The following CSMD1 variants were observed in gnomAD, a reference collection of about 807,000 sequenced individuals.
The protein encoded by CSMD1 is CUB and sushi domain-containing protein 1.
Under a neutral mutation model 417.5 loss-of-function variants are expected in CSMD1, and 213 were observed. That is an observed-to-expected ratio of 0.51 (90% CI 0.46 to 0.57). The LOEUF (loss-of-function observed/expected upper bound fraction) is 0.57. Among genes scored for constraint, CSMD1 ranks in the 20% least tolerant of loss-of-function variants. CSMD1 has a pLI of 0.00. For missense variants in CSMD1, 6,923 were observed against 4,529.7 expected (o/e 1.53, Z -15.17); for synonymous variants, 2,862 against 1,736.8 (o/e 1.65, Z -16.11).
chr8:3,413,065 C>A (rs1412860108), intron 12 of CSMD1, among the ~76,000 whole-genome samples: 2 of 152,158 alleles, frequency 1.3e-5, no homozygotes, highest in Non-Finnish European at 2.9e-5. Context: ...TCAGTTTTCA[C>A]ATTATGAGCT....
At chr8:4,872,732 G>A (rs4570182) in intron 1 of CSMD1, among the ~76,000 whole-genome samples, 1 of 151,834 alleles carries the variant, frequency 6.6e-6, no homozygotes, top group Non-Finnish European at 1.5e-5. Context: ...AGAGCCTGTG[G>A]ATTAAAAGAT....
At chr8:4,177,040 G>A (rs1798087021) in intron 3 of CSMD1, among the ~76,000 whole-genome samples, 1 of 152,044 alleles carries the variant, frequency 6.6e-6, no homozygotes, top group Non-Finnish European at 1.5e-5. Context: ...AAGTCAACAA[G>A]GATATCCAGG....
chr8:4,030,100 G>C (rs1468066170), intron 4 of CSMD1, among the ~76,000 whole-genome samples: 1 of 152,188 alleles, frequency 6.6e-6, no homozygotes, highest in Non-Finnish European at 1.5e-5. Context: ...TTCATGGGCT[G>C]CTGTTAACTG....
chr8:3,996,659 G>C (rs1815246578), intron 5 of CSMD1, among the ~76,000 whole-genome samples: 1 of 152,140 alleles, frequency 6.6e-6, no homozygotes, highest in Non-Finnish European at 1.5e-5. Flanking sequence ...ACATTAAGCA[G>C]ATTGGTCCTG....
At chr8:3,800,238 T>A (rs889080498) in intron 5 of CSMD1, among the ~76,000 whole-genome samples, 3 of 152,170 alleles carry the variant, frequency 2.0e-5, no homozygotes, top group Admixed American at 6.6e-5. Context: ...GATACAGTCA[T>A]CCTTTATTGG....
Position 4,446,308 on chromosome 8 carries a change from G to T in CSMD1, c.303-26243C>A, listed in dbSNP as rs75278335. Among the ~76,000 whole-genome samples the T allele has an allele frequency of 2.6e-5, 4 of 152,268 alleles. No individual in the cohort carries two copies. The South Asian group carries it at 8.3e-4, about 32-fold the overall frequency. On this transcript the variant is annotated intron_variant, in intron 2 of 69. Coordinates refer to ENST00000635120, the MANE Select transcript of CSMD1 (RefSeq NM_033225.6). ...CATGCCCGTAATCCTGCTTCTTTGG[G>T]AGCCCAGCATGGGTGGATCGCTTGA...
chr8:4,472,084 T>C (rs980925627), intron 2 of CSMD1, among the ~76,000 whole-genome samples: 1 of 152,212 alleles, frequency 6.6e-6, no homozygotes, highest in Non-Finnish European at 1.5e-5. Flanking sequence ...TTCGACACAG[T>C]CAGCAGAGAT....
intron 1 of CSMD1, among the ~76,000 whole-genome samples, chr8:4,876,165 C>A (rs1170170522): frequency 6.6e-6 from 1 of 152,006 alleles, no homozygotes; most frequent in African/African-American, 2.4e-5. Context: ...TAGTCTATTT[C>A]CCTGCTGGGT....
At chr8:4,295,825 C>A (rs1675218766) in intron 3 of CSMD1, among the ~76,000 whole-genome samples, 1 of 143,226 alleles carries the variant, frequency 7.0e-6, no homozygotes, top group Non-Finnish European at 1.5e-5. Flanking sequence ...AAAGTTAATT[C>A]TCCCTTATGC....
intron 5 of CSMD1, among the ~76,000 whole-genome samples, chr8:3,929,004 C>T (rs982142955): frequency 4.0e-5 from 6 of 150,346 alleles, no homozygotes; most frequent in African/African-American, 1.2e-4. Context: ...GAAATCTTAC[C>T]GATTTTTGGT....
At chr8:3,096,804 C>A in intron 47 of CSMD1, 45 bp downstream of exon 47, 1 of 1,200,924 alleles carries the variant, frequency 8.3e-7, no homozygotes, top group South Asian at 1.6e-5. Context: ...GTGTTTTTAT[C>A]AATGATGCCG....
intron 2 of CSMD1, among the ~76,000 whole-genome samples, chr8:4,437,126 TTC>T (rs1005101107): frequency 2.6e-4 from 39 of 152,174 alleles, no homozygotes; most frequent in African/African-American, 9.2e-4. Flanking sequence ...CCCAAAAGAA[TTC>T]TTTTAGGGGA....
intron 2 of CSMD1, among the ~76,000 whole-genome samples, chr8:4,585,646 C>T (rs924263905): frequency 2.0e-4 from 30 of 151,840 alleles, no homozygotes; most frequent in African/African-American, 6.8e-4. Context: ...AAAGAAGCAA[C>T]AATAAAAGTT....
At chr8:4,683,492 C>A (rs772741568) in intron 1 of CSMD1, among the ~76,000 whole-genome samples, 1 of 152,112 alleles carries the variant, frequency 6.6e-6, no homozygotes, top group African/African-American at 2.4e-5. Flanking sequence ...GAGTGGACAA[C>A]AGGGGAGGCT....
Position 4,157,968 on chromosome 8 carries a change from G to A in CSMD1, c.416-125869C>T, listed in dbSNP as rs577762951. On this transcript the variant is annotated intron_variant, in intron 3 of 69. Coordinates refer to ENST00000635120, the MANE Select transcript of CSMD1 (RefSeq NM_033225.6). ...AGAACATCTTTTAGCAACGTATGCCGAGATTGGCCAACTGTTGCTAGGACC... is the reference window on the plus strand; with the variant it reads ...AGAACATCTTTTAGCAACGTATGCCAAGATTGGCCAACTGTTGCTAGGACC... 5.3e-5 allele frequency among the ~76,000 whole-genome samples: 8 copies of A among 152,296 alleles called. No individual in the cohort carries two copies. In the South Asian group the frequency reaches 1.5e-3, roughly 28 times the overall value.
chr8:3,941,707 G>A (rs1178015356), intron 5 of CSMD1, among the ~76,000 whole-genome samples: 2 of 152,110 alleles, frequency 1.3e-5, no homozygotes, highest in East Asian at 1.9e-4. Flanking sequence ...TTTCCCAGAT[G>A]TTATTTATTT....
At chr8:3,011,576 T>TCCTCATGGTTATA (rs1397777099) in intron 52 of CSMD1, among the ~76,000 whole-genome samples, 157 of 152,192 alleles carry the variant, frequency 1.0e-3, no homozygotes, top group Non-Finnish European at 1.9e-3. Flanking sequence ...ACAATTCATC[T>TCCTCATGGTTATA]CCTCATGGTT....
At chr8:3,165,964 C>T in intron 37 of CSMD1, among the ~76,000 whole-genome samples, 1 of 151,864 alleles carries the variant, frequency 6.6e-6, no homozygotes, top group East Asian at 1.9e-4. Flanking sequence ...ACCTTCTGAC[C>T]TTTAGGGGAC....
intron 25 of CSMD1, among the ~76,000 whole-genome samples, chr8:3,285,963 C>T (rs565820711): frequency 6.6e-6 from 1 of 152,172 alleles, no homozygotes; most frequent in East Asian, 1.9e-4. Flanking sequence ...AGATAAATTT[C>T]CTAATGCTAT....
Sources: gnomAD v4.1 joint callset for allele counts (sites outside exome capture counted in the v4.1 genomes callset) on GRCh38, gnomAD v4.1.1 for gene constraint, MANE v1.5 for transcripts, NCBI Gene and HGNC (gene_info 2026-07-23, HGNC 2026-07-21) for gene names.